The following DNAH14 variants were observed in gnomAD, a reference collection of about 807,000 sequenced individuals.
DNAH14 encodes the protein dynein axonemal heavy chain 14, also known as axonemal beta dynein heavy chain 14.
Under a neutral mutation model 520.9 loss-of-function variants are expected in DNAH14, and 478 were observed. The ratio of observed to expected loss-of-function variants is 0.92; its 90% confidence interval spans 0.85 to 0.99. The LOEUF is 0.99. Among genes scored for constraint, DNAH14 ranks in the 50% least tolerant of loss-of-function variants. DNAH14 has a pLI of 0.00. For missense variants in DNAH14, 4,831 were observed against 5,234.5 expected (o/e 0.92, Z 2.38); for synonymous variants, 1,581 against 1,757.2 (o/e 0.90, Z 2.51).
intron 31 of DNAH14, among the ~76,000 whole-genome samples, chr1:225,149,041 A>T (rs989645961): frequency 1.3e-5 from 2 of 152,004 alleles, no homozygotes; most frequent in Admixed American, 6.5e-5. Context: ...CCTATGTCCA[A>T]AATGGTACTG....
intron 44 of DNAH14, among the ~76,000 whole-genome samples, chr1:225,256,970 A>G (rs1049081687): frequency 1.3e-5 from 2 of 152,228 alleles, no homozygotes; most frequent in Non-Finnish European, 2.9e-5. Flanking sequence ...GAAAATTGAT[A>G]GCACTAACTG....
chr1:225,085,409 G>C (rs984636936), intron 20 of DNAH14, 135 bp from the exon 21 acceptor site: 3 of 774,532 alleles, frequency 3.9e-6, no homozygotes, highest in Non-Finnish European at 6.2e-6. Context: ...TGCTGGTAAG[G>C]ATATAAACCT....
chr1:225,001,668 GA>G (rs935331884), intron 8 of DNAH14, among the ~76,000 whole-genome samples: 2 of 151,626 alleles, frequency 1.3e-5, no homozygotes, highest in African/African-American at 4.8e-5. Flanking sequence ...ATTTTTAAAG[GA>G]AAAAAAGAAA....
At chr1:225,048,936 T>C (rs2068220052) in intron 15 of DNAH14, among the ~76,000 whole-genome samples, 1 of 152,204 alleles carries the variant, frequency 6.6e-6, no homozygotes, top group Admixed American at 6.5e-5. Flanking sequence ...TGATATCTTA[T>C]TGTGGTAATT....
At chr1:224,929,919 G>A (rs1030530557) in intron 1 of DNAH14, 84 bp downstream of exon 1, 12 of 573,782 alleles carry the variant, frequency 2.1e-5, no homozygotes, top group Non-Finnish European at 3.4e-5. Flanking sequence ...GTCGCACTGG[G>A]AGGGCTGCGT....
intron 42 of DNAH14, among the ~76,000 whole-genome samples, chr1:225,234,569 T>A (rs1269657189): frequency 6.6e-6 from 1 of 152,188 alleles, no homozygotes; most frequent in African/African-American, 2.4e-5. Context: ...TATTTTTTTC[T>A]AGTTCTGTGA....
chr1:225,172,548 A>G (rs2082818865), intron 36 of DNAH14, among the ~76,000 whole-genome samples: 1 of 152,178 alleles, frequency 6.6e-6, no homozygotes, highest in African/African-American at 2.4e-5. Flanking sequence ...TAGGAATCCA[A>G]CTTACAAGGG....
chr1:225,074,739 C>T (rs1297109552), intron 17 of DNAH14, among the ~76,000 whole-genome samples: 1 of 152,230 alleles, frequency 6.6e-6, no homozygotes, highest in Admixed American at 6.5e-5. Context: ...CCTTCCACCT[C>T]CAGTCAGTTT....
intron 57 of DNAH14, among the ~76,000 whole-genome samples, chr1:225,304,161 A>C (rs2094195290): frequency 6.6e-6 from 1 of 152,222 alleles, no homozygotes. Context: ...GGTTTTGCTC[A>C]TCTGCACATC....
chr1:224,937,235 A>G (rs1201395864), intron 1 of DNAH14, among the ~76,000 whole-genome samples: 1 of 152,030 alleles, frequency 6.6e-6, no homozygotes. Context: ...AAGAAAGGTC[A>G]TCCCAATTGG....
chr1:225,174,505 A>AT (rs2083098185), intron 36 of DNAH14, among the ~76,000 whole-genome samples: 1 of 152,040 alleles, frequency 6.6e-6, no homozygotes, highest in East Asian at 1.9e-4. Context: ...AATGCTACTG[A>AT]TTTTTGTATG....
intron 8 of DNAH14, among the ~76,000 whole-genome samples, chr1:224,979,637 C>T (rs2062117752): frequency 6.6e-6 from 1 of 152,178 alleles, no homozygotes; most frequent in South Asian, 2.1e-4. Context: ...GGCACCCAAC[C>T]TAGTGAGACA....
At chr1:225,335,836 T>TGTACACAC (rs2095000269) in intron 66 of DNAH14, among the ~76,000 whole-genome samples, 1 of 81,244 alleles carries the variant, frequency 1.2e-5, no homozygotes, top group Non-Finnish European at 2.4e-5. Context: ...TATGTACATA[T>TGTACACAC]ATGTACATAC....
In DNAH14 at chr1:225,358,602, C is replaced by T; in HGVS notation, c.11726C>T (p.Ala3909Val). 2 of 1,548,462 alleles carry T rather than the reference C, an allele frequency of 1.3e-6. No homozygotes were observed. The highest frequency in any genetic ancestry group is 2.0e-5 in the Admixed American group (1 of 50,496). ...LQRTGVNLKD[A>V]YKGSNARTPL... ...AGAACTGGAGTTAATTTGAAAGATG[C>T]ATATAAAGGATCCAATGCCAGAACT... The change falls in exon 74 of 86, where the codon GCA becomes GTA. Residue 3909 changes from alanine (A) to valine (V), a missense_variant. Physicochemically the swap from Ala to Val is moderately conservative, Grantham distance 64. Coordinates refer to ENST00000682510, the MANE Select transcript of DNAH14 (RefSeq NM_001367479.1).
At chr1:225,335,275 TTG>T (rs1476653576) in intron 66 of DNAH14, among the ~76,000 whole-genome samples, 5 of 79,244 alleles carry the variant, frequency 6.3e-5, no homozygotes, top group East Asian at 4.9e-4. Context: ...CACGTGTACA[TTG>T]TGTGTATATG....
intron 27 of DNAH14, among the ~76,000 whole-genome samples, chr1:225,125,721 A>G (rs2077663078): frequency 6.6e-6 from 1 of 152,200 alleles, no homozygotes; most frequent in African/African-American, 2.4e-5. Context: ...GTGTGTTCAC[A>G]GGAGTAGCAC....
chr1:224,993,261 G>A (rs767989201), intron 8 of DNAH14, among the ~76,000 whole-genome samples: 9 of 151,938 alleles, frequency 5.9e-5, no homozygotes, highest in Non-Finnish European at 1.2e-4. Context: ...TTTTTGGAAG[G>A]GTTTATGAGG....
chr1:225,099,008 A>G (rs182892768), intron 22 of DNAH14, among the ~76,000 whole-genome samples: 168 of 152,216 alleles, frequency 1.1e-3, no homozygotes, highest in African/African-American at 3.9e-3. Flanking sequence ...GGGACAAGAG[A>G]TTCATTAAAG....
At chr1:225,115,132 C>G (rs1271434595) in intron 23 of DNAH14, among the ~76,000 whole-genome samples, 1 of 152,108 alleles carries the variant, frequency 6.6e-6, no homozygotes, top group Non-Finnish European at 1.5e-5. Flanking sequence ...TAAGTGCTGG[C>G]AAAAATAATT....
Sources: allele counts gnomAD v4.1 joint callset (sites outside exome capture counted in the v4.1 genomes callset), GRCh38; gene constraint gnomAD v4.1.1; transcripts MANE v1.5; gene names NCBI Gene and HGNC (gene_info 2026-07-23, HGNC 2026-07-21).